The following KTN1 variants were observed in gnomAD, a reference collection of about 807,000 sequenced individuals.
KTN1 encodes kinectin.
KTN1 carries 130 observed loss-of-function variants against 222.5 expected under a neutral mutation model. The ratio of observed to expected loss-of-function variants is 0.58; its 90% CI spans 0.51 to 0.68. The LOEUF is 0.68. Among genes scored for constraint, KTN1 ranks in the 30% least tolerant of loss-of-function variants. KTN1 has a pLI of 0.00. For synonymous variants in KTN1, 512 were observed against 496.3 expected (o/e 1.03, Z -0.42); for missense variants, 1,508 against 1,500.4 (o/e 1.01, Z -0.08).
At chr14:55,673,871 T>C (rs892721015) in intron 40 of KTN1, 1 of 152,150 alleles carries the variant, frequency 6.6e-6, no homozygotes, top group Non-Finnish European at 1.5e-5. Context: ...TATTCTCAAG[T>C]TTTCTAAAAA....
chr14:55,595,317 T>A (rs971587538), intron 1 of KTN1, among the ~76,000 whole-genome samples: 1 of 152,156 alleles, frequency 6.6e-6, no homozygotes, highest in East Asian at 1.9e-4. Context: ...GCTTGAAAAG[T>A]GGTAATTTTC....
rs2037714724 is a variant in KTN1, at chr14:55,612,393, AAAG to A, written c.349_351del (p.Lys117del). On this transcript the variant is annotated inframe_deletion, in exon 2 of 44. Coordinates refer to ENST00000395314, the MANE Select transcript of KTN1 (RefSeq NM_001079521.2). The stretch of plus-strand genomic sequence containing the variant: ...CTTCAAGTAGTGTTAGGGAAAGAAA[AAAG>A]AAGGAAAAGAAACAAAAGCCTGTGC... 5 of 1,613,968 alleles carry A rather than the reference AAAG, an allele frequency of 3.1e-6. No homozygotes were observed. The highest frequency in any genetic ancestry group is 2.2e-5 in the South Asian group (2 of 91,062).
chr14:55,661,173 A>G lies in KTN1; in HGVS notation c.3000-349A>G, dbSNP rs143506800. The G allele has an allele frequency of 4.5e-3, 718 of 160,764 alleles. 3 individuals carry two copies. Among genetic ancestry groups the G allele is most frequent in the Middle Eastern group, 0.015 (5 of 332 alleles). 10.0% of individuals were successfully genotyped at this position (160,764 alleles called of 1,614,324 possible). ...AAAATATATTTAAGGGACTGCTTCT[A>G]CATCAGTTTTAACTCCTCTAAAAAT... On this transcript the variant is annotated intron_variant, in intron 31 of 43. Transcript: ENST00000395314.
chr14:55,617,415 G>GGAACAA (rs1257747422), intron 3 of KTN1, among the ~76,000 whole-genome samples: 3 of 152,224 alleles, frequency 2.0e-5, no homozygotes, highest in East Asian at 3.9e-4. Context: ...ACAAAATAAA[G>GGAACAA]AGGCTTCCTT....
intron 33 of KTN1, among the ~76,000 whole-genome samples, chr14:55,665,710 C>CA (rs1344001641): frequency 8.5e-5 from 13 of 152,094 alleles, no homozygotes; most frequent in African/African-American, 3.1e-4. Context: ...AACTCTTATA[C>CA]ATTTCACTTA....
rs766756601 is a variant in KTN1 at position 55,612,075 on chromosome 14, T to G, written c.27T>G (p.Phe9Leu). 1 of 1,502,864 alleles carries G rather than the reference T, an allele frequency of 6.7e-7. No homozygotes were observed. Among genetic ancestry groups the G allele is most frequent in the Non-Finnish European group, 8.8e-7 (1 of 1,131,080 alleles). 93.1% of individuals were successfully genotyped at this position (1,502,864 alleles called of 1,614,324 possible). MEFYESAY[F>L]IVLIPSIVIT... ...TGGAGTTTTATGAGTCAGCATATTT[T>G]ATTGTTCTTATTCCTTCAATAGTTA... Residue 9 changes from phenylalanine (F) to leucine (L), a missense_variant, in exon 2 of 44, where the codon TTT becomes TTG. Coordinates refer to ENST00000395314, the MANE Select transcript of KTN1 (RefSeq NM_001079521.2).
intron 1 of KTN1, among the ~76,000 whole-genome samples, chr14:55,609,482 C>T (rs2037232820): frequency 6.6e-6 from 1 of 152,154 alleles, no homozygotes; most frequent in Admixed American, 6.5e-5. Flanking sequence ...AATCCAGAGA[C>T]AGAAAGCTTG....
At position 55,640,447 on chromosome 14, in the gene KTN1, A is replaced by C. The variant is rs541672592; in HGVS notation, c.1983+5A>C. 1.0e-5 allele frequency: 16 copies of C among 1,592,814 alleles called. No individual in the cohort carries two copies. In the African/African-American group the frequency reaches 2.2e-4, roughly 22 times the overall value. On this transcript the variant is annotated splice_donor_5th_base_variant and intron_variant, in intron 15 of 43. Coordinates refer to ENST00000395314, the MANE Select transcript of KTN1 (RefSeq NM_001079521.2). Reference sequence around the variant, plus strand: ...CAGGCCCTGGCAAATGAGCAGGTAGATCTTTATTGCTTTTGAGCATTGATC... The same window carrying C: ...CAGGCCCTGGCAAATGAGCAGGTAGCTCTTTATTGCTTTTGAGCATTGATC...
At chr14:55,659,748 T>A in intron 31 of KTN1, 45 bp downstream of exon 31, 1 of 1,078,376 alleles carries the variant, frequency 9.3e-7, no homozygotes, top group Non-Finnish European at 1.4e-6. Flanking sequence ...CGTAACTATT[T>A]TTATGTGGTA....
intron 25 of KTN1, among the ~76,000 whole-genome samples, 197 bp from the exon 26 acceptor site, chr14:55,652,653 C>T (rs1234112896): frequency 2.0e-5 from 3 of 152,204 alleles, no homozygotes; most frequent in Admixed American, 6.5e-5. Context: ...CCCGCCTTGG[C>T]CTCCCAAAGT....
chr14:55,604,630 T>A (rs1220780547), intron 1 of KTN1, among the ~76,000 whole-genome samples: 1 of 152,244 alleles, frequency 6.6e-6, no homozygotes, highest in Admixed American at 6.5e-5. Flanking sequence ...AGTAGAATGT[T>A]AGCTCTGTGA....
intron 15 of KTN1, among the ~76,000 whole-genome samples, chr14:55,640,709 A>T (rs561977809): frequency 1.3e-5 from 2 of 151,922 alleles, no homozygotes; most frequent in Non-Finnish European, 2.9e-5. Flanking sequence ...CATTTAATTC[A>T]AAAAGGATAT....
At chr14:55,624,886 A>G (rs1192740401) in intron 5 of KTN1, among the ~76,000 whole-genome samples, 2 of 152,336 alleles carry the variant, frequency 1.3e-5, no homozygotes, top group Non-Finnish European at 2.9e-5. Context: ...TATCCTTAGT[A>G]AAAGCAGTTT....
intron 1 of KTN1, among the ~76,000 whole-genome samples, chr14:55,593,435 C>A (rs550636985): frequency 9.2e-6 from 1 of 108,182 alleles, no homozygotes; most frequent in African/African-American, 3.5e-5. Context: ...CAGAAATAGA[C>A]ACCCCCCCCC....
intron 1 of KTN1, among the ~76,000 whole-genome samples, chr14:55,602,637 AGAGGT>A (rs2036152076): frequency 6.6e-6 from 1 of 151,030 alleles, no homozygotes; most frequent in Non-Finnish European, 1.5e-5. Flanking sequence ...GTTAGAGTGC[AGAGGT>A]GAAATCATGG....
chr14:55,675,839 A>G lies in KTN1; in HGVS notation c.3776A>G (p.Lys1259Arg), dbSNP rs759535270. Reference protein sequence around the residue: ...VRQNEELNLLKAQLNETLTKL... With the variant: ...VRQNEELNLLRAQLNETLTKL... ...GGTGTTCCTTTATTTTTACAGTTGA[A>G]GGCACAGTTAAATGAAACACTCACA... The change falls in exon 41 of 44, where the codon AAG (lysine) becomes AGG (arginine). Residue 1259 changes from lysine to arginine, a missense_variant. Coordinates refer to ENST00000395314, the MANE Select transcript of KTN1 (RefSeq NM_001079521.2). 6.2e-7 allele frequency: 1 copy of G among 1,603,918 alleles called. No homozygotes were observed. The highest frequency in any genetic ancestry group is 1.1e-5 in the South Asian group (1 of 90,698).
Position 55,670,742 on chromosome 14 carries a change from G to C in KTN1, c.3281G>C (p.Trp1094Ser). ...TCTCGTCCACAGAGTTATGGTGAAT[G>C]GTTGCATGGATTTGAAAAAAAGGCA... is the stretch of plus-strand genomic sequence containing the variant. ...SVPSNLSYGE[W>S]LHGFEKKAKE... Residue 1094 changes from tryptophan to serine, a missense_variant, in exon 35 of 44, where the codon TGG becomes TCG. Transcript: ENST00000395314. 6.2e-7 allele frequency: 1 copy of C among 1,607,482 alleles called. No individual in the cohort carries two copies.
chr14:55,590,312 A>G (rs186012161), intron 1 of KTN1, among the ~76,000 whole-genome samples: 8 of 152,368 alleles, frequency 5.3e-5, no homozygotes, highest in African/African-American at 1.7e-4. Flanking sequence ...TGTACAGTTT[A>G]AAGATTAAAT....
intron 1 of KTN1, among the ~76,000 whole-genome samples, chr14:55,608,874 C>T (rs1475014687): frequency 6.6e-6 from 1 of 152,056 alleles, no homozygotes; most frequent in Non-Finnish European, 1.5e-5. Flanking sequence ...AAGTGATCCG[C>T]CTGCCTCGGC....
Sources: gnomAD v4.1 joint callset for allele counts (sites outside exome capture counted in the v4.1 genomes callset) on GRCh38, gnomAD v4.1.1 for gene constraint, MANE v1.5 for transcripts, NCBI Gene and HGNC (gene_info 2026-07-23, HGNC 2026-07-21) for gene names.